The following NRXN2 variants were observed in gnomAD, a reference collection of about 807,000 sequenced individuals.
NRXN2 encodes neurexin 2, also known as neurexin-2-beta.
A neutral mutation model predicts 128.8 loss-of-function variants in NRXN2; 29 were observed. The observed-to-expected ratio is 0.23, with a 90% CI of 0.17 to 0.31. The LOEUF (loss-of-function observed/expected upper bound fraction) is 0.31, where lower values mean the gene tolerates loss of function less well. NRXN2 is among the 10% of genes least tolerant of loss of function. The pLI is 1.00. For synonymous variants in NRXN2, 1,098 were observed against 1,075.2 expected (o/e 1.02, Z -0.41); for missense variants, 1,881 against 2,452.6 (o/e 0.77, Z 4.92).
intron 11 of NRXN2, among the ~76,000 whole-genome samples, chr11:64,654,381 AG>A (rs2047946103): frequency 6.6e-6 from 1 of 152,212 alleles, no homozygotes; most frequent in East Asian, 1.9e-4. Context: ...CACCCTGAAG[AG>A]GACCTAGTAT....
chr11:64,674,324 G>A (rs1023259137), intron 7 of NRXN2, among the ~76,000 whole-genome samples: 2 of 152,096 alleles, frequency 1.3e-5, no homozygotes, highest in African/African-American at 4.8e-5. Context: ...CCGAGTAGCT[G>A]GGATTACAGA....
intron 11 of NRXN2, among the ~76,000 whole-genome samples, chr11:64,654,156 G>A (rs894876913): frequency 2.6e-5 from 4 of 152,084 alleles, no homozygotes; most frequent in South Asian, 2.1e-4. Flanking sequence ...GCTCTGGGAC[G>A]ACTCCCTCCT....
chr11:64,689,006 C>G (rs901755469), intron 5 of NRXN2: 9 of 167,050 alleles, frequency 5.4e-5, no homozygotes, highest in Non-Finnish European at 8.6e-5. Context: ...CTGGCTCCAC[C>G]ACCAGCTTTG....
intron 5 of NRXN2, among the ~76,000 whole-genome samples, chr11:64,689,550 C>T (rs1024577039): frequency 5.3e-5 from 8 of 152,002 alleles, no homozygotes; most frequent in Non-Finnish European, 7.4e-5. Context: ...TGTGAAGCAC[C>T]GGGGGCATAG....
chr11:64,653,754 G>A, intron 11 of NRXN2, 32 bp from the exon 12 acceptor site: 1 of 1,529,280 alleles, frequency 6.5e-7, no homozygotes, highest in Non-Finnish European at 8.9e-7. Flanking sequence ...CAGAGGGGAA[G>A]GGGAGACAAA....
At chr11:64,652,329 C>T (rs780706253) in intron 12 of NRXN2, among the ~76,000 whole-genome samples, 175 bp from the exon 13 acceptor site, 2 of 152,140 alleles carry the variant, frequency 1.3e-5, no homozygotes, top group Non-Finnish European at 1.5e-5. Flanking sequence ...CAAGTACACA[C>T]ACTTATAGCC....
intron 9 of NRXN2, among the ~76,000 whole-genome samples, chr11:64,663,973 C>T (rs560761193): frequency 2.6e-5 from 4 of 152,184 alleles, no homozygotes; most frequent in South Asian, 2.1e-4. Flanking sequence ...TTCCACTTAA[C>T]GGAGGTACCG....
intron 22 of NRXN2, among the ~76,000 whole-genome samples, chr11:64,616,524 CAT>C (rs776721323): frequency 6.6e-6 from 1 of 152,270 alleles, no homozygotes; most frequent in South Asian, 2.1e-4. Flanking sequence ...GATCTGTGCA[CAT>C]ATGTGTGCCT....
chr11:64,710,211 G>A (rs564656128), intron 2 of NRXN2, among the ~76,000 whole-genome samples: 218 of 151,650 alleles, frequency 1.4e-3, no homozygotes, highest in African/African-American at 4.6e-3. Flanking sequence ...CCTGGCTCAC[G>A]TTTCTTTTTC....
At chr11:64,694,100 C>T (rs545205147) in intron 3 of NRXN2, among the ~76,000 whole-genome samples, 1 of 152,286 alleles carries the variant, frequency 6.6e-6, no homozygotes, top group East Asian at 1.9e-4. Context: ...AAAGCTCTCT[C>T]CTAGAGAGGC....
At position 64,635,421 on chromosome 11, in the gene NRXN2, T is replaced by C. The variant is rs111679680; in HGVS notation, c.3435A>G (p.Gly1145=). 3 of 1,613,208 alleles carry C rather than the reference T, an allele frequency of 1.9e-6. No homozygotes were observed. Among genetic ancestry groups the C allele is most frequent in the Non-Finnish European group, 1.7e-6 (2 of 1,179,868 alleles). The part of the protein sequence containing the change: ...PGTTYIFGKG[G]ALITYTWPPN... ...GGGGCCACGTGTAGGTGATGAGCGCTCCCCCCTTCCCAAAGATGTATGTGG... is the reference window on the plus strand; with the variant it reads ...GGGGCCACGTGTAGGTGATGAGCGCCCCCCCCTTCCCAAAGATGTATGTGG... Residue 1145 remains glycine (G), a synonymous_variant, in exon 18 of 23, where the codon GGA becomes GGG. Coordinates refer to ENST00000265459, the MANE Select transcript of NRXN2 (RefSeq NM_015080.4). The surrounding 1 kb of genome is among the most constrained non-coding windows in gnomAD (Gnocchi z 4.8).
intron 17 of NRXN2, among the ~76,000 whole-genome samples, chr11:64,640,566 G>A (rs564397876): frequency 7.2e-5 from 11 of 152,256 alleles, no homozygotes; most frequent in African/African-American, 2.6e-4. Flanking sequence ...TCCTGGGGAG[G>A]GGGAGGGAGT....
rs568541787 is a variant in NRXN2, at chr11:64,607,820, G to A, written c.4515C>T (p.Leu1505=). Residue 1505 remains leucine, a synonymous_variant, in exon 23 of 23, where the codon CTC becomes CTT. Transcript: ENST00000265459. ...FASGEVFDSS[L]PPTDDEDFYT... The stretch of plus-strand genomic sequence containing the variant: ...AAAAGTCCTCGTCGTCCGTGGGGGG[G>A]AGGCTGGAGTCAAAGACCTCCCCGG... 6 of 1,602,182 alleles carry A rather than the reference G, an allele frequency of 3.7e-6. No homozygotes were observed. The highest frequency in any genetic ancestry group is 1.1e-5 in the South Asian group (1 of 88,762).
chr11:64,670,561 C>T (rs985151137), intron 7 of NRXN2, among the ~76,000 whole-genome samples: 3 of 152,250 alleles, frequency 2.0e-5, no homozygotes, highest in African/African-American at 4.8e-5. Flanking sequence ...ACTGAGGGAC[C>T]AGGAACTGGG....
At chr11:64,704,670 AG>A (rs1386074541) in intron 2 of NRXN2, among the ~76,000 whole-genome samples, 9 of 146,696 alleles carry the variant, frequency 6.1e-5, no homozygotes, top group Non-Finnish European at 1.2e-4. Flanking sequence ...AGAGAGAGAG[AG>A]ATGTCAGTTG....
intron 7 of NRXN2, among the ~76,000 whole-genome samples, chr11:64,669,766 C>T (rs2050377533): frequency 6.6e-6 from 1 of 152,186 alleles, no homozygotes; most frequent in African/African-American, 2.4e-5. Context: ...AGACCACGAG[C>T]CCCTACTCTA....
At chr11:64,709,818 C>T (rs2056715326) in intron 2 of NRXN2, among the ~76,000 whole-genome samples, 1 of 152,060 alleles carries the variant, frequency 6.6e-6, no homozygotes, top group Non-Finnish European at 1.5e-5. Context: ...AGATACCACA[C>T]ACACATCACA....
At chr11:64,698,826 T>A (rs1227596495) in intron 2 of NRXN2, among the ~76,000 whole-genome samples, 2 of 152,242 alleles carry the variant, frequency 1.3e-5, no homozygotes, top group African/African-American at 4.8e-5. Context: ...GCTCTGATCT[T>A]CTTTGTAAGA....
At chr11:64,640,220 C>T (rs1565258025) in intron 17 of NRXN2, among the ~76,000 whole-genome samples, 1 of 152,206 alleles carries the variant, frequency 6.6e-6, no homozygotes, top group African/African-American at 2.4e-5. Flanking sequence ...ATACCCTGTC[C>T]TCCATACTCT....
Sources: allele counts gnomAD v4.1 joint callset (sites outside exome capture counted in the v4.1 genomes callset), GRCh38; gene constraint gnomAD v4.1.1; non-coding constraint Gnocchi (gnomAD v3.1); transcripts MANE v1.5; gene names NCBI Gene and HGNC (gene_info 2026-07-23, HGNC 2026-07-21).